The following RIMBP2 variants were observed in gnomAD, a reference collection of about 807,000 sequenced individuals.
RIMBP2 encodes the protein RIMS-binding protein 2.
RIMBP2 carries 48 observed loss-of-function variants against 118.6 expected under a neutral mutation model. The ratio of observed to expected loss-of-function variants is 0.40; its 90% CI spans 0.32 to 0.51. RIMBP2 has a LOEUF of 0.51. Ranked by LOEUF, RIMBP2 falls within the 20% of genes least tolerant of loss-of-function variation. The pLI, the probability that RIMBP2 is intolerant of heterozygous loss-of-function variation, is 0.41. For synonymous variants in RIMBP2, 762 were observed against 742.9 expected, an observed-to-expected ratio of 1.03 and a Z score of -0.42; for missense variants, 1,551 against 1,768.3, an observed-to-expected ratio of 0.88 and a Z score of 2.20.
chr12:130,397,227 G>A lies in RIMBP2; in HGVS notation c.*134C>T, dbSNP rs536277043. 4.4e-4 allele frequency: 171 copies of A among 390,732 alleles called. No individual in the cohort carries two copies. Among genetic ancestry groups the A allele is most frequent in the Non-Finnish European group, 7.0e-4 (156 of 221,474 alleles). 24.2% of individuals were successfully genotyped at this position (390,732 alleles called of 1,614,324 possible). On this transcript the variant is annotated 3_prime_UTR_variant, in exon 23 of 23. Transcript: ENST00000690449. ...CGTGGTTGGTTTAAAGTGGTTGGTA[G>A]TGCAAAAGTGCATTTCTCTACTGGT...
At position 130,622,554 on chromosome 12, in the gene RIMBP2, C is replaced by T. The variant is rs776948893; in HGVS notation, c.-217+5768G>A. ...TGTTGCCCAGGGTGGTCCCAAACTC[C>T]TGGACTCAAGCGATCCTCCCACCTT... On this transcript the variant is annotated intron_variant, in intron 2 of 22. Coordinates refer to ENST00000690449, the MANE Select transcript of RIMBP2 (RefSeq NM_001393629.1). The surrounding 1 kb of genome is among the most constrained non-coding windows in gnomAD (Gnocchi z 8.5). Among the ~76,000 whole-genome samples the T allele has an allele frequency of 1.4e-4, 21 of 151,986 alleles. No individual in the cohort carries two copies. Among genetic ancestry groups the T allele is most frequent in the Non-Finnish European group, 2.6e-4 (18 of 68,008 alleles).
At chr12:130,462,792 TA>T (rs1395674198) in intron 6 of RIMBP2, among the ~76,000 whole-genome samples, 2 of 152,224 alleles carry the variant, frequency 1.3e-5, no homozygotes, top group African/African-American at 4.8e-5. Flanking sequence ...GCATGGAATG[TA>T]CCCTCTCCTG....
In RIMBP2 at chr12:130,442,162, A is replaced by C; in HGVS notation, c.1190T>G (p.Leu397Arg). The change falls in exon 11 of 23, where the codon CTG becomes CGG. Residue 397 changes from leucine to arginine, a missense_variant. Coordinates refer to ENST00000690449, the MANE Select transcript of RIMBP2 (RefSeq NM_001393629.1). This position sits in a 1 kb window ranked among gnomAD's most constrained non-coding sequence, Gnocchi z 6.9. Reference sequence around the variant, plus strand: ...CTTGCCCACCAGCAGCGTGCACTGCAGCTCATCCGAGCTGCCCCTGCTGGT... The same window carrying C: ...CTTGCCCACCAGCAGCGTGCACTGCCGCTCATCCGAGCTGCCCCTGCTGGT... ...CVTSRGSSDE[L>R]QCTLLVGKDV... 6.2e-7 allele frequency: 1 copy of C among 1,614,168 alleles called. No individual in the cohort carries two copies. Among genetic ancestry groups the C allele is most frequent in the Non-Finnish European group, 8.5e-7 (1 of 1,180,034 alleles).
chr12:130,480,654 A>G lies in RIMBP2; in HGVS notation c.-3-1638T>C, dbSNP rs566679522. The stretch of plus-strand genomic sequence containing the variant: ...CTTGCTCTGTCACCCAGGCTGGAGT[A>G]CAGTGGCAGGATCTTGGCTCACTGC... On this transcript the variant is annotated intron_variant, in intron 4 of 22. Coordinates refer to ENST00000690449, the MANE Select transcript of RIMBP2 (RefSeq NM_001393629.1). 1.9e-4 allele frequency among the ~76,000 whole-genome samples: 29 copies of G among 152,060 alleles called. No individual in the cohort carries two copies. In the South Asian group the frequency reaches 2.1e-3, roughly 11 times the overall value.
intron 14 of RIMBP2, among the ~76,000 whole-genome samples, chr12:130,433,280 T>C (rs888980443): frequency 6.6e-6 from 1 of 152,228 alleles, no homozygotes; most frequent in African/African-American, 2.4e-5. Flanking sequence ...TTCCACCTCA[T>C]TCTAACACTA....
chr12:130,432,008 G>A (rs1453531013), intron 14 of RIMBP2: 5 of 202,384 alleles, frequency 2.5e-5, no homozygotes, highest in African/African-American at 1.2e-4. Flanking sequence ...GTGGCCACAT[G>A]TCAAGGGCTC....
intron 1 of RIMBP2, among the ~76,000 whole-genome samples, chr12:130,649,331 C>G (rs917998469): frequency 1.3e-5 from 2 of 152,260 alleles, no homozygotes; most frequent in African/African-American, 4.8e-5. Flanking sequence ...CCGCTCCATG[C>G]AGTGACTTAG....
intron 1 of RIMBP2, among the ~76,000 whole-genome samples, chr12:130,664,858 TA>T (rs538133318): frequency 2.7e-4 from 41 of 151,518 alleles, no homozygotes; most frequent in Non-Finnish European, 5.0e-4. Context: ...TGAACATAAA[TA>T]AAGGGGGGCG....
chr12:130,434,697 C>A lies in RIMBP2; in HGVS notation c.2253+37G>T. 2 of 1,594,630 alleles carry A rather than the reference C, an allele frequency of 1.3e-6. No homozygotes were observed. Among genetic ancestry groups the A allele is most frequent in the Non-Finnish European group, 1.7e-6 (2 of 1,171,496 alleles). ...ACGGGGCCCGCTCCGAGCCCGCGCC[C>A]ACCAGGAGGATGGTGTGGGGCCCGG... On this transcript the variant is annotated intron_variant, in intron 14 of 22. Transcript: ENST00000690449. This position sits in a 1 kb window ranked among gnomAD's most constrained non-coding sequence, Gnocchi z 5.7.
chr12:130,615,382 C>A (rs2060867489), intron 2 of RIMBP2, among the ~76,000 whole-genome samples: 1 of 150,824 alleles, frequency 6.6e-6, no homozygotes, highest in Non-Finnish European at 1.5e-5. Context: ...ATGATCTCGG[C>A]TCACTGCAAC....
At position 130,434,721 on chromosome 12, in the gene RIMBP2, G is replaced by A. The variant is rs375124842; in HGVS notation, c.2253+13C>T. ...CCACCAGGAGGATGGTGTGGGGCCC[G>A]GCCCGCTCTCACCTGCTTGCCAAGT... On this transcript the variant is annotated intron_variant, in intron 14 of 22. Transcript: ENST00000690449. This position sits in a 1 kb window ranked among gnomAD's most constrained non-coding sequence, Gnocchi z 5.7. 2.3e-5 allele frequency: 37 copies of A among 1,610,242 alleles called. No individual in the cohort carries two copies. The highest frequency in any genetic ancestry group is 1.7e-4 in the African/African-American group (13 of 74,804).
rs866540066 is a variant in RIMBP2, at chr12:130,412,619, C to T, written c.3589G>A (p.Glu1197Lys). The T allele has an allele frequency of 4.3e-6, 7 of 1,613,386 alleles. No individual in the cohort carries two copies. Among genetic ancestry groups the T allele is most frequent in the South Asian group, 1.1e-5 (1 of 90,986 alleles). Residue 1197 changes from glutamate to lysine, a missense_variant and splice_region_variant, in exon 19 of 23, where the codon GAG (glutamate) becomes AAG (lysine). By Grantham distance (56) the Glu-to-Lys change is moderately conservative. Transcript: ENST00000690449. ...LPLNTPVEKI[E>K]RSRRSGRRHS... ...AGGTCGAATAGGGGTTTGCGCTTAC[C>T]TATTTTCTCCACAGGTGTATTCAGA...
At position 130,413,367 on chromosome 12, in the gene RIMBP2, G is replaced by A. The variant is rs1270500828; in HGVS notation, c.3421-580C>T. Among the ~76,000 whole-genome samples, 9 of 151,912 alleles carry A rather than the reference G, an allele frequency of 5.9e-5. No individual in the cohort carries two copies. In the East Asian group the frequency reaches 1.4e-3, roughly 23 times the overall value. On this transcript the variant is annotated intron_variant, in intron 18 of 22. Coordinates refer to ENST00000690449, the MANE Select transcript of RIMBP2 (RefSeq NM_001393629.1). ...CTCCTCTCAGAAGGCTGGATCTCAC[G>A]GCCTGTAATCCCAGCACTTTGGGAG...
intron 1 of RIMBP2, chr12:130,668,071 C>T (rs1273412484): frequency 1.3e-5 from 2 of 152,256 alleles, no homozygotes; most frequent in East Asian, 1.9e-4. Flanking sequence ...ACAAGTGGCC[C>T]GAAACCGCTG....
At position 130,555,396 on chromosome 12, in the gene RIMBP2, C is replaced by T. The variant is rs144736648; in HGVS notation, c.-216-37479G>A. On this transcript the variant is annotated intron_variant, in intron 2 of 22. Transcript: ENST00000690449. ...GAAGCAGCGTGGGTCTCACATGATG[C>T]ACCCCTCACCGTCCTGGACACAGAC... Among the ~76,000 whole-genome samples the T allele has an allele frequency of 2.2e-3, 339 of 152,336 alleles. 2 individuals are homozygous for T. The highest frequency in any genetic ancestry group is 7.7e-3 in the African/African-American group (319 of 41,574).
chr12:130,502,796 C>T (rs776226849), intron 4 of RIMBP2, among the ~76,000 whole-genome samples: 8 of 152,192 alleles, frequency 5.3e-5, no homozygotes, highest in African/African-American at 1.9e-4. Context: ...GTACATAGTG[C>T]TCAATCAATC....
At chr12:130,707,643 C>T (rs1291539634) in intron 1 of RIMBP2, among the ~76,000 whole-genome samples, 4 of 152,072 alleles carry the variant, frequency 2.6e-5, no homozygotes, top group Admixed American at 1.3e-4. Flanking sequence ...TGGACTGAGC[C>T]GTTTCCAACA....
chr12:130,436,063 C>T (rs956320169), intron 13 of RIMBP2, among the ~76,000 whole-genome samples: 2 of 152,212 alleles, frequency 1.3e-5, no homozygotes, highest in South Asian at 2.1e-4. Context: ...CAGGTGGAAA[C>T]GGGCTCAACA....
rs1443455048 is a variant in RIMBP2, at chr12:130,542,147, C to G, written c.-216-24230G>C. ...TATGAAGAAGACAAGATGAAGTAAG[C>G]ACAAAGAGAGAGGGGAAAGGATGCT... On this transcript the variant is annotated intron_variant, in intron 2 of 22. Transcript: ENST00000690449. Among the ~76,000 whole-genome samples the G allele has an allele frequency of 4.8e-5, 7 of 146,250 alleles. No individual in the cohort carries two copies. In the East Asian group the frequency reaches 1.9e-3, roughly 39 times the overall value.
Sources: allele counts gnomAD v4.1 joint callset (sites outside exome capture counted in the v4.1 genomes callset), GRCh38; gene constraint gnomAD v4.1.1; non-coding constraint Gnocchi (gnomAD v3.1); transcripts MANE v1.5; gene names NCBI Gene and HGNC (gene_info 2026-07-23, HGNC 2026-07-21).